Variants in CACNA2D3 observed in about 807,000 individuals in gnomAD.
The protein encoded by CACNA2D3 is calcium voltage-gated channel auxiliary subunit alpha2delta 3.
A neutral mutation model predicts 160.6 loss-of-function variants in CACNA2D3; 60 were observed. The observed-to-expected ratio is 0.37, with a 90% CI of 0.30 to 0.46. The LOEUF (loss-of-function observed/expected upper bound fraction) is 0.46. Among genes scored for constraint, CACNA2D3 ranks in the 20% least tolerant of loss-of-function variants. CACNA2D3 has a pLI of 1.00. For missense variants in CACNA2D3, 1,205 were observed against 1,365.0 expected (o/e 0.88, Z 1.85); for synonymous variants, 558 against 492.9 (o/e 1.13, Z -1.75).
chr3:55,000,318 G>T (rs867330083), intron 31 of CACNA2D3, among the ~76,000 whole-genome samples: 2 of 152,200 alleles, frequency 1.3e-5, no homozygotes, highest in Non-Finnish European at 2.9e-5. Context: ...AGTTAAAGCT[G>T]TCCAAGTGTG....
At chr3:54,191,591 G>A (rs1050955997) in intron 2 of CACNA2D3, among the ~76,000 whole-genome samples, 11 of 152,070 alleles carry the variant, frequency 7.2e-5, no homozygotes, top group African/African-American at 1.2e-4. Flanking sequence ...GGAAATCGGT[G>A]ATACAGTCTC....
chr3:54,294,476 C>T (rs903170791), intron 2 of CACNA2D3, among the ~76,000 whole-genome samples: 2 of 152,174 alleles, frequency 1.3e-5, no homozygotes, highest in Non-Finnish European at 2.9e-5. Context: ...TTCCCTTTCA[C>T]TTGCTGCTGG....
chr3:54,259,810 G>A (rs1702370450), intron 2 of CACNA2D3, among the ~76,000 whole-genome samples: 1 of 152,222 alleles, frequency 6.6e-6, no homozygotes, highest in South Asian at 2.1e-4. Context: ...CTGCAAAATA[G>A]GGATTTCTGA....
chr3:54,755,543 G>A (rs1411702117), intron 12 of CACNA2D3, among the ~76,000 whole-genome samples: 5 of 151,968 alleles, frequency 3.3e-5, no homozygotes, highest in East Asian at 1.9e-4. Context: ...ATTGTGTTTC[G>A]TTCATTGTCT....
chr3:54,857,914 C>T (rs570713296), intron 17 of CACNA2D3, among the ~76,000 whole-genome samples: 12 of 152,176 alleles, frequency 7.9e-5, no homozygotes, highest in Non-Finnish European at 1.6e-4. Flanking sequence ...TACCAAGGAG[C>T]CTTGGCTTTA....
At chr3:54,459,073 T>A (rs892911489) in intron 4 of CACNA2D3, among the ~76,000 whole-genome samples, 2 of 152,132 alleles carry the variant, frequency 1.3e-5, no homozygotes, top group African/African-American at 4.8e-5. Flanking sequence ...ATTTCCAATT[T>A]CATCCATGTC....
At chr3:54,973,653 C>T (rs544101852) in intron 29 of CACNA2D3, among the ~76,000 whole-genome samples, 121 of 152,224 alleles carry the variant, frequency 7.9e-4, no homozygotes, top group African/African-American at 2.8e-3. Context: ...TGTTGGACTG[C>T]CCACCTCAGC....
intron 3 of CACNA2D3, among the ~76,000 whole-genome samples, chr3:54,384,174 T>G (rs1699151733): frequency 6.6e-6 from 1 of 152,192 alleles, no homozygotes; most frequent in African/African-American, 2.4e-5. Flanking sequence ...GTAGTTTTAC[T>G]TTATCTTTTG....
intron 2 of CACNA2D3, among the ~76,000 whole-genome samples, chr3:54,278,900 G>A (rs948082238): frequency 4.6e-5 from 7 of 152,126 alleles, no homozygotes; most frequent in African/African-American, 1.7e-4. Flanking sequence ...GGGTTGATGG[G>A]TGCAGTGAAC....
At chr3:54,465,386 T>C (rs2106857491) in intron 4 of CACNA2D3, among the ~76,000 whole-genome samples, 1 of 152,330 alleles carries the variant, frequency 6.6e-6, no homozygotes, top group East Asian at 1.9e-4. Flanking sequence ...ATTGCTATAA[T>C]TGTTATTTTT....
intron 2 of CACNA2D3, among the ~76,000 whole-genome samples, chr3:54,305,791 C>G (rs988747427): frequency 2.6e-5 from 4 of 152,162 alleles, no homozygotes; most frequent in Admixed American, 6.5e-5. Context: ...TTTCACTAAC[C>G]TCTAACCAAA....
chr3:54,849,305 G>T (rs934257342), intron 17 of CACNA2D3, among the ~76,000 whole-genome samples: 1 of 152,196 alleles, frequency 6.6e-6, no homozygotes, highest in Admixed American at 6.5e-5. Flanking sequence ...AGAGTCAGCC[G>T]GCATGAATAC....
At position 54,651,565 on chromosome 3, in the gene CACNA2D3, G is replaced by C. The variant is rs550818711; in HGVS notation, c.1167+9324G>C. Among the ~76,000 whole-genome samples the C allele has an allele frequency of 2.6e-5, 4 of 152,192 alleles. No homozygotes were observed. The East Asian group carries it at 7.8e-4, about 30-fold the overall frequency. ...GGTTTGAGGGTAAAGGGATGCCCTT[G>C]ATCATGGAATGGCTTAGGGGACCTG... On this transcript the variant is annotated intron_variant, in intron 11 of 37. Coordinates refer to ENST00000474759, the MANE Select transcript of CACNA2D3 (RefSeq NM_018398.3).
At chr3:54,986,027 C>T (rs1702605382) in intron 30 of CACNA2D3, among the ~76,000 whole-genome samples, 1 of 152,140 alleles carries the variant, frequency 6.6e-6, no homozygotes, top group South Asian at 2.1e-4. Flanking sequence ...TAGTTATATG[C>T]CCTGTTGGCT....
chr3:55,033,650 TATATAAAATAG>T lies in CACNA2D3; in HGVS notation c.2987+15339_2987+15349del, dbSNP rs1186219607. Among the ~76,000 whole-genome samples, 9 of 135,770 alleles carry T rather than the reference TATATAAAATAG, an allele frequency of 6.6e-5. No individual in the cohort carries two copies. In the South Asian group the frequency reaches 2.0e-3, roughly 31 times the overall value. 89.1% of individuals were successfully genotyped at this position (135,770 alleles called of 152,430 possible). Reference sequence around the variant, plus strand: ...AATGTGTATATATACCCTTAAAATATATATAAAATAGATATATAAAATATAAATGTGTATAT... The same window carrying T: ...AATGTGTATATATACCCTTAAAATATATATATAAAATATAAATGTGTATAT... On this transcript the variant is annotated intron_variant, in intron 35 of 37. Coordinates refer to ENST00000474759, the MANE Select transcript of CACNA2D3 (RefSeq NM_018398.3).
chr3:54,149,883 GTCTCTCTCTCTCTCTC>G (rs554851240), intron 2 of CACNA2D3, among the ~76,000 whole-genome samples: 13 of 60,760 alleles, frequency 2.1e-4, no homozygotes, highest in African/African-American at 6.6e-4. Context: ...TGAAGTATCT[GTCTCTCTCTCTCTCTC>G]TCTCTCTCTC....
At chr3:55,012,781 G>T (rs945839798) in intron 34 of CACNA2D3, among the ~76,000 whole-genome samples, 1 of 152,040 alleles carries the variant, frequency 6.6e-6, no homozygotes, top group African/African-American at 2.4e-5. Context: ...TATCGATAAT[G>T]CCACTGTTGA....
rs796392854 is a variant in CACNA2D3, at chr3:54,350,986, G to GTTTTTTTTT, written c.321+30440_321+30448dup. 5.0e-4 allele frequency among the ~76,000 whole-genome samples: 33 copies of GTTTTTTTTT among 65,946 alleles called. 1 individual carries two copies. Among genetic ancestry groups the GTTTTTTTTT allele is most frequent in the South Asian group, 1.0e-3 (2 of 1,980 alleles). 43.3% of individuals were successfully genotyped at this position (65,946 alleles called of 152,430 possible). ...TGAGTCTGTTTTTTTTTTTTTGTTT[G>GTTTTTTTTT]TTTTTTTTTTTTTTTTTTTTGAGAC... On this transcript the variant is annotated intron_variant, in intron 3 of 37. Transcript: ENST00000474759.
At chr3:54,254,107 G>C (rs779269150) in intron 2 of CACNA2D3, among the ~76,000 whole-genome samples, 2 of 152,116 alleles carry the variant, frequency 1.3e-5, no homozygotes, top group Non-Finnish European at 2.9e-5. Flanking sequence ...TTTAGGTGTT[G>C]GATGGGCTCA....
Sources: allele counts gnomAD v4.1 joint callset (sites outside exome capture counted in the v4.1 genomes callset), GRCh38; gene constraint gnomAD v4.1.1; transcripts MANE v1.5; gene names NCBI Gene and HGNC (gene_info 2026-07-23, HGNC 2026-07-21).